FN1: variants seen among roughly 807,000 people sequenced by gnomAD.
FN1 encodes fibronectin 1, also known as fibronectin.
A neutral mutation model predicts 297.3 loss-of-function variants in FN1; 106 were observed. The observed-to-expected ratio is 0.36, with a 90% CI of 0.30 to 0.42. The LOEUF is 0.42. Ranked by LOEUF, FN1 falls within the 10% of genes least tolerant of loss-of-function variation. FN1 has a pLI of 1.00. For missense variants in FN1, 2,690 were observed against 3,124.9 expected (o/e 0.86, Z 3.32); for synonymous variants, 1,149 against 1,152.6 (o/e 1.00, Z 0.06).
At chr2:215,405,825 G>A (rs750587485) in intron 19 of FN1, among the ~76,000 whole-genome samples, 16 of 152,120 alleles carry the variant, frequency 1.1e-4, no homozygotes, top group Non-Finnish European at 1.8e-4. Flanking sequence ...AATAATGCTT[G>A]TAAAAACTGA....
chr2:215,430,345 A>G (rs2066280301), intron 5 of FN1, among the ~76,000 whole-genome samples: 1 of 152,206 alleles, frequency 6.6e-6, no homozygotes, highest in South Asian at 2.1e-4. Flanking sequence ...CAGAGACACT[A>G]TCCCTAACTC....
chr2:215,369,036 G>C (rs1391028910), intron 41 of FN1, among the ~76,000 whole-genome samples: 1 of 152,000 alleles, frequency 6.6e-6, no homozygotes, highest in African/African-American at 2.4e-5. Context: ...TTGGAGAACT[G>C]GTAAGTCTGA....
chr2:215,414,682 T>C (rs758884367), intron 13 of FN1, 155 bp downstream of exon 13: 85 of 1,410,828 alleles, frequency 6.0e-5, no homozygotes, highest in Middle Eastern at 2.6e-4. Context: ...GTCAATTTAA[T>C]TGACCACATA....
chr2:215,372,563 T>G (rs2056441312), intron 39 of FN1, 188 bp from the exon 40 acceptor site: 2 of 634,880 alleles, frequency 3.2e-6, no homozygotes, highest in East Asian at 5.5e-5. Context: ...TTCTCAAAGG[T>G]TTCTTTATAG....
At chr2:215,366,555 AT>A (rs2054646319) in intron 42 of FN1, among the ~76,000 whole-genome samples, 1 of 152,254 alleles carries the variant, frequency 6.6e-6, no homozygotes, top group Non-Finnish European at 1.5e-5. Flanking sequence ...TCACAGTTTT[AT>A]GCCTTTAACT....
intron 23 of FN1, 78 bp from the exon 24 acceptor site, chr2:215,394,797 G>T: frequency 9.0e-7 from 1 of 1,108,516 alleles, no homozygotes; most frequent in Non-Finnish European, 1.4e-6. Flanking sequence ...TCCAATGATG[G>T]ATTCACAGGG....
At chr2:215,383,282 A>C (rs775699837) in intron 31 of FN1, 46 bp downstream of exon 31, 3 of 1,601,722 alleles carry the variant, frequency 1.9e-6, no homozygotes, top group Non-Finnish European at 1.7e-6. Context: ...TTCTGGGATT[A>C]TAGGAGTGAG....
Position 215,365,515 on chromosome 2 carries a change from C to T in FN1, c.7134G>A (p.Lys2378=), listed in dbSNP as rs1462548927. 1.2e-6 allele frequency: 2 copies of T among 1,613,938 alleles called. No individual in the cohort carries two copies. Among genetic ancestry groups the T allele is most frequent in the African/African-American group, 1.3e-5 (1 of 74,922 alleles). ...TCTGTGATGACATACGAGGGTCACA[C>T]TTGAATTCTCCTTTTCCGTTCCCAA... ...TCLGNGKGEF[K]CDPHEATCYD... Residue 2378 remains lysine (K), a synonymous_variant, in exon 43 of 46, where the codon AAG becomes AAA. Transcript: ENST00000354785.
At chr2:215,381,136 AT>A in intron 32 of FN1, 56 bp from the exon 33 acceptor site, 1 of 1,571,464 alleles carries the variant, frequency 6.4e-7, no homozygotes, top group Non-Finnish European at 8.8e-7. Flanking sequence ...TGAAATAAGC[AT>A]TTTTATAACA....
intron 31 of FN1, among the ~76,000 whole-genome samples, chr2:215,383,127 C>A (rs1212931400): frequency 1.3e-5 from 2 of 152,018 alleles, no homozygotes; most frequent in East Asian, 3.9e-4. Flanking sequence ...GCCTCAGCCT[C>A]CTGAGTAGCT....
At position 215,370,540 on chromosome 2, in the gene FN1, C is replaced by CAAAAAAA. The variant is rs377315833; in HGVS notation, c.6715-109_6715-108insTTTTTTT. The CAAAAAAA allele has an allele frequency of 1.4e-4, 42 of 304,912 alleles. 1 individual carries two copies. The highest frequency in any genetic ancestry group is 8.1e-4 in the African/African-American group (22 of 27,314). 18.9% of individuals were successfully genotyped at this position (304,912 alleles called of 1,614,324 possible). On this transcript the variant is annotated intron_variant, in intron 40 of 45. Coordinates refer to ENST00000354785, the MANE Select transcript of FN1 (RefSeq NM_212482.4). ...ACTGTTTAAACAAAGCAAAGGAAGA[C>CAAAAAAA]AAAAAACAAAAAACAAAAAAAAAAA...
At chr2:215,388,340 A>T in intron 26 of FN1, 39 bp from the exon 27 acceptor site, 1 of 1,457,794 alleles carries the variant, frequency 6.9e-7, no homozygotes, top group Non-Finnish European at 9.6e-7. Flanking sequence ...AACTCTGCTC[A>T]AAAGCATGAG....
intron 13 of FN1, among the ~76,000 whole-genome samples, chr2:215,412,571 G>C (rs948834263): frequency 4.6e-5 from 7 of 152,034 alleles, no homozygotes; most frequent in Non-Finnish European, 1.0e-4. Context: ...CAAGTAGCTG[G>C]GACTACAGGT....
chr2:215,379,115 A>G lies in FN1; in HGVS notation c.5622+15T>C. The G allele has an allele frequency of 6.2e-7, 1 of 1,611,952 alleles. No individual in the cohort carries two copies. Among genetic ancestry groups the G allele is most frequent in the African/African-American group, 1.3e-5 (1 of 74,984 alleles). On this transcript the variant is annotated intron_variant, in intron 34 of 45. Transcript: ENST00000354785. ...ATCTCCATCTTTATTCCAATGAACA[A>G]CGGTCATGTCTTACCATAAGTCCTG...
intron 13 of FN1, chr2:215,414,524 G>T (rs568496580): frequency 4.6e-5 from 13 of 285,700 alleles, no homozygotes; most frequent in African/African-American, 2.7e-4. Context: ...TTCCCACATT[G>T]GGCAAGAACA....
intron 20 of FN1, among the ~76,000 whole-genome samples, chr2:215,403,017 C>T (rs2061337648): frequency 6.6e-6 from 1 of 152,086 alleles, no homozygotes. Context: ...TAGAATTCTA[C>T]ATTTTAGTAA....
At chr2:215,404,308 G>GTTGT in intron 20 of FN1, 81 bp downstream of exon 20, 11 of 1,257,274 alleles carry the variant, frequency 8.7e-6, no homozygotes, top group Admixed American at 2.0e-5. Flanking sequence ...TGTTTTTTTT[G>GTTGT]TTTTGTTTTG....
intron 4 of FN1, 79 bp from the exon 5 acceptor site, chr2:215,430,931 T>A: frequency 6.6e-7 from 1 of 1,511,468 alleles, no homozygotes; most frequent in Non-Finnish European, 9.1e-7. Context: ...TAAAGTGTAG[T>A]GTGTAAGCAA....
At chr2:215,399,847 C>A (rs1388997300) in intron 20 of FN1, among the ~76,000 whole-genome samples, 1 of 152,050 alleles carries the variant, frequency 6.6e-6, no homozygotes, top group African/African-American at 2.4e-5. Context: ...TGTTTCTTAA[C>A]CATTAATTTA....
Sources: gnomAD v4.1 joint callset for allele counts (sites outside exome capture counted in the v4.1 genomes callset) on GRCh38, gnomAD v4.1.1 for gene constraint, MANE v1.5 for transcripts, NCBI Gene and HGNC (gene_info 2026-07-23, HGNC 2026-07-21) for gene names.